IRF2: variants seen among roughly 807,000 people sequenced by gnomAD.
IRF2 encodes interferon regulatory factor 2.
A neutral mutation model predicts 40.6 loss-of-function variants in IRF2; 15 were observed. That is an observed-to-expected ratio of 0.37 (90% CI 0.25 to 0.57). IRF2 has a LOEUF of 0.57. IRF2 is among the 20% of genes least tolerant of loss of function. The probability of loss-of-function intolerance (pLI) is 0.77; values close to 1 mark genes in which losing one functional copy is unlikely to be tolerated. For missense variants in IRF2, 317 were observed against 455.7 expected (o/e 0.70, Z 2.77); for synonymous variants, 151 against 165.5 (o/e 0.91, Z 0.67).
In IRF2 at chr4:184,453,288, T is replaced by G. The variant is rs898661993; in HGVS notation, c.-7+21091A>C. The stretch of plus-strand genomic sequence containing the variant: ...CTGACTTTTAAAAGTATTTTATAAA[T>G]TGAAACTCATGCTGGGACCCTTAGG... On this transcript the variant is annotated intron_variant, in intron 1 of 8. Transcript: ENST00000393593. Among the ~76,000 whole-genome samples the G allele has an allele frequency of 2.0e-5, 3 of 152,216 alleles. No homozygotes were observed. In the East Asian group the frequency reaches 5.8e-4, roughly 29 times the overall value.
In IRF2 at chr4:184,408,552, A is replaced by G. The variant is rs1736948791; in HGVS notation, c.412-277T>C. On this transcript the variant is annotated intron_variant, in intron 5 of 8. Coordinates refer to ENST00000393593, the MANE Select transcript of IRF2 (RefSeq NM_002199.4). This position sits in a 1 kb window ranked among gnomAD's most constrained non-coding sequence, Gnocchi z 4.9. ...GGAAATGCTTCCACCTGCAGACAAT[A>G]GCTTTGGGGCTACGCAGAGCTGCAT... Among the ~76,000 whole-genome samples the G allele has an allele frequency of 6.6e-6, 1 of 152,186 alleles. No individual in the cohort carries two copies. Among genetic ancestry groups the G allele is most frequent in the Admixed American group, 6.5e-5 (1 of 15,280 alleles).
chr4:184,402,910 T>C (rs1034945903), intron 6 of IRF2, among the ~76,000 whole-genome samples: 1 of 152,098 alleles, frequency 6.6e-6, no homozygotes, highest in South Asian at 2.1e-4. Context: ...AAGGGGTGAA[T>C]TTTACCGTAT....
At chr4:184,392,829 C>G (rs1208798687) in intron 7 of IRF2, among the ~76,000 whole-genome samples, 1 of 152,170 alleles carries the variant, frequency 6.6e-6, no homozygotes, top group Non-Finnish European at 1.5e-5. Context: ...TTCACACAAA[C>G]CTGAGTGATC....
intron 6 of IRF2, among the ~76,000 whole-genome samples, chr4:184,399,442 C>G (rs555971077): frequency 1.3e-5 from 2 of 152,208 alleles, no homozygotes; most frequent in South Asian, 4.1e-4. Flanking sequence ...GTACTTTGAA[C>G]CTGACCGATT....
chr4:184,422,197 T>C (rs1737506486), intron 2 of IRF2, among the ~76,000 whole-genome samples: 1 of 152,174 alleles, frequency 6.6e-6, no homozygotes, highest in Admixed American at 6.5e-5. Flanking sequence ...CGTTTTTTTA[T>C]AAATTACCCA....
At chr4:184,401,799 T>C (rs945887155) in intron 6 of IRF2, among the ~76,000 whole-genome samples, 2 of 152,194 alleles carry the variant, frequency 1.3e-5, no homozygotes, top group African/African-American at 4.8e-5. Context: ...GTGAAGGTCT[T>C]AGATAAATGT....
At chr4:184,464,626 A>C (rs947449911) in intron 1 of IRF2, among the ~76,000 whole-genome samples, 4 of 152,114 alleles carry the variant, frequency 2.6e-5, no homozygotes, top group African/African-American at 9.7e-5. Flanking sequence ...AGGATAATAA[A>C]ACCTCTAATC....
intron 6 of IRF2, among the ~76,000 whole-genome samples, chr4:184,402,158 T>G (rs1736689706): frequency 6.6e-6 from 1 of 151,534 alleles, no homozygotes; most frequent in Non-Finnish European, 1.5e-5. Flanking sequence ...ATCTAGAGAG[T>G]CAGTTTAAGG....
intron 7 of IRF2, among the ~76,000 whole-genome samples, chr4:184,397,045 C>T (rs777147011): frequency 1.3e-5 from 2 of 152,218 alleles, no homozygotes; most frequent in African/African-American, 2.4e-5. Flanking sequence ...CTTGTGACTG[C>T]ACTCTGGCAA....
At chr4:184,444,371 G>T (rs1244211903) in intron 1 of IRF2, among the ~76,000 whole-genome samples, 1 of 152,186 alleles carries the variant, frequency 6.6e-6, no homozygotes, top group African/African-American at 2.4e-5. Flanking sequence ...CCAGGGCACT[G>T]CTTCAGGAAC....
intron 7 of IRF2, among the ~76,000 whole-genome samples, chr4:184,392,325 A>G (rs865781760): frequency 1.3e-5 from 2 of 152,234 alleles, no homozygotes; most frequent in African/African-American, 4.8e-5. Flanking sequence ...TAATAACCCC[A>G]TACCCAAAAG....
At chr4:184,399,723 A>C (rs1458729776) in intron 6 of IRF2, among the ~76,000 whole-genome samples, 2 of 152,212 alleles carry the variant, frequency 1.3e-5, no homozygotes, top group African/African-American at 4.8e-5. Flanking sequence ...AACATGTCCA[A>C]CTGGCTGAAA....
At chr4:184,390,588 C>T in intron 8 of IRF2, 115 bp downstream of exon 8, 1 of 993,422 alleles carries the variant, frequency 1.0e-6, no homozygotes. Flanking sequence ...AAGAAAATCC[C>T]AAAGTGAAGC....
chr4:184,449,987 G>A (rs1162803175), intron 1 of IRF2, among the ~76,000 whole-genome samples: 3 of 152,216 alleles, frequency 2.0e-5, no homozygotes, highest in Admixed American at 2.0e-4. Context: ...TAGGGGCTAG[G>A]TATACTGACG....
At position 184,398,433 on chromosome 4, in the gene IRF2, G is replaced by T. The variant is rs372153110; in HGVS notation, c.694+482C>A. On this transcript the variant is annotated intron_variant, in intron 7 of 8. Coordinates refer to ENST00000393593, the MANE Select transcript of IRF2 (RefSeq NM_002199.4). The stretch of plus-strand genomic sequence containing the variant: ...GCACTTTGGGAGGCCAAGGTGGGCG[G>T]ATCACCTGACGTCAGGAGCTCGAGA... Among the ~76,000 whole-genome samples the T allele has an allele frequency of 1.3e-3, 200 of 152,256 alleles. 3 individuals are homozygous for T. The highest frequency in any genetic ancestry group is 4.3e-3 in the African/African-American group (179 of 41,534).
rs202067895 is a variant in IRF2 at position 184,402,701 on chromosome 4, G to A, written c.530-3622C>T. 1.8e-4 allele frequency among the ~76,000 whole-genome samples: 27 copies of A among 152,246 alleles called. No individual in the cohort carries two copies. In the East Asian group the frequency reaches 5.0e-3, roughly 28 times the overall value. On this transcript the variant is annotated intron_variant, in intron 6 of 8. Transcript: ENST00000393593. Reference sequence around the variant, plus strand: ...GCAAATACGGGACGTGACAATTAATGTTTTCTAGAAAAATGTCAAGACTTC... The same window carrying A: ...GCAAATACGGGACGTGACAATTAATATTTTCTAGAAAAATGTCAAGACTTC...
intron 7 of IRF2, among the ~76,000 whole-genome samples, chr4:184,394,649 T>C (rs184184563): frequency 3.1e-3 from 463 of 151,790 alleles, no homozygotes; most frequent in Non-Finnish European, 4.9e-3. Context: ...TCTCTCATTA[T>C]AGCCAGTGAG....
rs945338598 is a variant in IRF2, at chr4:184,472,925, G to T, written c.-7+1454C>A. ...GCTTCTTAGGGAACAAGGAGGAGAG[G>T]GTGGCAAACGCACCCAGACCGGGGG... On this transcript the variant is annotated intron_variant, in intron 1 of 8. Coordinates refer to ENST00000393593, the MANE Select transcript of IRF2 (RefSeq NM_002199.4). Among the ~76,000 whole-genome samples, 3 of 152,350 alleles carry T rather than the reference G, an allele frequency of 2.0e-5. No individual in the cohort carries two copies. The South Asian group carries it at 6.2e-4, about 32-fold the overall frequency.
chr4:184,394,787 C>T (rs1254124504), intron 7 of IRF2, among the ~76,000 whole-genome samples: 1 of 152,180 alleles, frequency 6.6e-6, no homozygotes, highest in Admixed American at 6.5e-5. Flanking sequence ...TCTGATGCCA[C>T]AGATCAGGCA....
Sources: gnomAD v4.1 joint callset for allele counts (sites outside exome capture counted in the v4.1 genomes callset) on GRCh38, gnomAD v4.1.1 for gene constraint, Gnocchi (gnomAD v3.1) non-coding constraint, MANE v1.5 for transcripts, NCBI Gene and HGNC (gene_info 2026-07-23, HGNC 2026-07-21) for gene names.